HECW1: variants seen among roughly 807,000 people sequenced by gnomAD.
HECW1 encodes E3 ubiquitin-protein ligase HECW1.
In HECW1, 61 loss-of-function variants were observed where a neutral mutation model predicts 182.3. The observed-to-expected ratio is 0.33, with a 90% CI of 0.27 to 0.41. HECW1 has a LOEUF of 0.41. Among genes scored for constraint, HECW1 ranks in the 10% least tolerant of loss-of-function variants. HECW1 has a pLI of 1.00. For missense variants in HECW1, 1,739 were observed against 2,108.9 expected (o/e 0.82, Z 3.44); for synonymous variants, 859 against 832.6 (o/e 1.03, Z -0.55).
chr7:43,298,067 T>C (rs1450220424), intron 3 of HECW1, among the ~76,000 whole-genome samples: 1 of 152,150 alleles, frequency 6.6e-6, no homozygotes, highest in Non-Finnish European at 1.5e-5. Context: ...GGTGAGACCC[T>C]GTTTCTGGGG....
intron 5 of HECW1, among the ~76,000 whole-genome samples, chr7:43,346,681 T>A (rs1813720776): frequency 6.6e-6 from 1 of 152,198 alleles, no homozygotes; most frequent in Non-Finnish European, 1.5e-5. Flanking sequence ...AGGTGAGATG[T>A]GAGGATCCAG....
intron 5 of HECW1, among the ~76,000 whole-genome samples, chr7:43,326,335 G>A (rs1017524917): frequency 3.9e-5 from 6 of 152,266 alleles, no homozygotes; most frequent in East Asian, 1.9e-4. Flanking sequence ...AGGGGCTGTC[G>A]GGATCTGCCT....
chr7:43,259,353 C>G (rs992690085), intron 3 of HECW1, among the ~76,000 whole-genome samples: 1 of 151,480 alleles, frequency 6.6e-6, no homozygotes, highest in African/African-American at 2.4e-5. Context: ...CAGTGCTGCG[C>G]TCCAGCCTGG....
intron 3 of HECW1, among the ~76,000 whole-genome samples, chr7:43,263,448 C>T (rs1801406267): frequency 6.6e-6 from 1 of 152,160 alleles, no homozygotes; most frequent in South Asian, 2.1e-4. Flanking sequence ...ACAACCTCCG[C>T]CTCCCAGTTT....
chr7:43,470,546 G>T (rs1382355399), intron 16 of HECW1, among the ~76,000 whole-genome samples: 1 of 152,196 alleles, frequency 6.6e-6, no homozygotes, highest in Non-Finnish European at 1.5e-5. Context: ...CATCACACCA[G>T]CAGGGAAGCA....
intron 19 of HECW1, among the ~76,000 whole-genome samples, chr7:43,497,439 A>G (rs995974930): frequency 6.6e-6 from 1 of 152,200 alleles, no homozygotes; most frequent in African/African-American, 2.4e-5. Context: ...GGAAAGAAAT[A>G]TGATTGCATC....
chr7:43,213,103 T>C (rs1477469091), intron 2 of HECW1, among the ~76,000 whole-genome samples: 1 of 152,144 alleles, frequency 6.6e-6, no homozygotes, highest in Non-Finnish European at 1.5e-5. Flanking sequence ...GGTGAAAGAA[T>C]AGCAGGTGTA....
At chr7:43,419,040 C>T (rs1294983014) in intron 8 of HECW1, among the ~76,000 whole-genome samples, 1 of 152,160 alleles carries the variant, frequency 6.6e-6, no homozygotes, top group African/African-American at 2.4e-5. Flanking sequence ...TTCATTTGCC[C>T]TGTGCGTGTA....
chr7:43,139,378 C>T (rs373417422), intron 2 of HECW1, among the ~76,000 whole-genome samples: 13 of 152,280 alleles, frequency 8.5e-5, no homozygotes, highest in African/African-American at 2.9e-4. Context: ...TGGCTTGGCT[C>T]AGAAATGTTC....
Position 43,565,382 on chromosome 7 carries a change from G to A in HECW1, c.*3456G>A, listed in dbSNP as rs147220499. 611 of 205,164 alleles carry A rather than the reference G, an allele frequency of 3.0e-3. 9 individuals carry two copies. In the Admixed American group the frequency reaches 0.032, roughly 11 times the overall value. The allele number at this position is 205,164 out of a possible 1,614,324, so 12.7% of individuals were successfully genotyped here. A position where few individuals can be genotyped will look rare whatever the true frequency, so the allele number is the denominator to read the frequency against. On this transcript the variant is annotated 3_prime_UTR_variant, in exon 30 of 30. Coordinates refer to ENST00000395891, the MANE Select transcript of HECW1 (RefSeq NM_015052.5). ...AGTATATTTGTGTGGCAAGCCAATG[G>A]CTGAGTTTTCCAGGGTAGTTTTAAT...
At chr7:43,429,492 G>A (rs140110354) in intron 8 of HECW1, among the ~76,000 whole-genome samples, 524 of 151,754 alleles carry the variant, frequency 3.5e-3, no homozygotes, top group Non-Finnish European at 6.3e-3. Flanking sequence ...AATGTAAAAC[G>A]CTGTTACATT....
At chr7:43,500,103 CTTT>C (rs34962349) in intron 19 of HECW1, among the ~76,000 whole-genome samples, 4 of 141,782 alleles carry the variant, frequency 2.8e-5, no homozygotes, top group African/African-American at 5.2e-5. Context: ...CAAGAACAGT[CTTT>C]TTTTTTTTTT....
At chr7:43,300,842 G>T (rs116299562) in intron 3 of HECW1, among the ~76,000 whole-genome samples, 1 of 152,092 alleles carries the variant, frequency 6.6e-6, no homozygotes, top group African/African-American at 2.4e-5. Context: ...AAGCAGGTAC[G>T]ATGACCTCCC....
At chr7:43,497,329 C>T (rs1248824088) in intron 19 of HECW1, among the ~76,000 whole-genome samples, 1 of 152,038 alleles carries the variant, frequency 6.6e-6, no homozygotes. Context: ...GTAGGTGAGA[C>T]CTACCATGGT....
intron 6 of HECW1, among the ~76,000 whole-genome samples, chr7:43,364,580 A>T (rs1231480100): frequency 6.6e-6 from 1 of 152,250 alleles, no homozygotes; most frequent in East Asian, 1.9e-4. Context: ...GCGTGGCCTG[A>T]GGCAGGCGCC....
intron 2 of HECW1, among the ~76,000 whole-genome samples, chr7:43,195,538 A>AT (rs1794378825): frequency 6.6e-6 from 1 of 152,118 alleles, no homozygotes; most frequent in African/African-American, 2.4e-5. Context: ...AGCAGAGCCC[A>AT]TGGGCATCAT....
intron 6 of HECW1, among the ~76,000 whole-genome samples, chr7:43,371,196 C>A (rs1054254808): frequency 7.2e-5 from 11 of 152,066 alleles, no homozygotes; most frequent in South Asian, 2.1e-4. Context: ...CAATGAAATT[C>A]TTTAATATGA....
chr7:43,132,792 C>T (rs900770181), intron 2 of HECW1, among the ~76,000 whole-genome samples: 1 of 152,104 alleles, frequency 6.6e-6, no homozygotes, highest in African/African-American at 2.4e-5. Flanking sequence ...TCCTCTGTTC[C>T]TTCCTTCCTT....
At chr7:43,169,690 CTTT>C (rs374141328) in intron 2 of HECW1, among the ~76,000 whole-genome samples, 14 of 113,472 alleles carry the variant, frequency 1.2e-4, no homozygotes, top group Admixed American at 2.7e-4. Flanking sequence ...TTTTTCTTTT[CTTT>C]TTTTTTTTTT....
Sources: gnomAD v4.1 joint callset for allele counts (sites outside exome capture counted in the v4.1 genomes callset) on GRCh38, gnomAD v4.1.1 for gene constraint, MANE v1.5 for transcripts, NCBI Gene and HGNC (gene_info 2026-07-23, HGNC 2026-07-21) for gene names.